ZNF804B: variants seen among roughly 807,000 people sequenced by gnomAD.
The protein encoded by ZNF804B is zinc finger 804B.
In ZNF804B, 80 loss-of-function variants were observed where a neutral mutation model predicts 101.4. That is an observed-to-expected ratio of 0.79 (90% CI 0.66 to 0.95). The LOEUF (loss-of-function observed/expected upper bound fraction) is 0.95, where lower values mean the gene tolerates loss of function less well. Among genes scored for constraint, ZNF804B ranks in the 40% least tolerant of loss-of-function variants. The pLI, the probability that ZNF804B is intolerant of heterozygous loss-of-function variation, is 0.00. For synonymous variants in ZNF804B, 622 were observed against 558.8 expected, an observed-to-expected ratio of 1.11 and a Z score of -1.59; for missense variants, 1,673 against 1,561.9, an observed-to-expected ratio of 1.07 and a Z score of -1.20.
chr7:89,307,610 G>A (rs1790584905), intron 2 of ZNF804B, among the ~76,000 whole-genome samples: 3 of 151,868 alleles, frequency 2.0e-5, no homozygotes, highest in African/African-American at 7.2e-5. Flanking sequence ...AAAAGAAACA[G>A]TATATAAAAT....
chr7:88,966,872 C>T (rs1793462251), intron 1 of ZNF804B, among the ~76,000 whole-genome samples: 1 of 151,448 alleles, frequency 6.6e-6, no homozygotes, highest in Non-Finnish European at 1.5e-5. Context: ...TAAGTCTGGG[C>T]CTCCCTTTGC....
intron 1 of ZNF804B, among the ~76,000 whole-genome samples, chr7:89,097,831 C>T (rs1789991363): frequency 6.6e-6 from 1 of 152,138 alleles, no homozygotes; most frequent in African/African-American, 2.4e-5. Flanking sequence ...AATGAATCTT[C>T]TTTCTGCAAA....
intron 1 of ZNF804B, among the ~76,000 whole-genome samples, chr7:89,065,422 G>T (rs561882043): frequency 6.6e-6 from 1 of 152,086 alleles, no homozygotes; most frequent in Admixed American, 6.5e-5. Flanking sequence ...TGGATGCATC[G>T]TATGTATTTT....
At chr7:88,947,145 C>T (rs1203764598) in intron 1 of ZNF804B, among the ~76,000 whole-genome samples, 2 of 151,946 alleles carry the variant, frequency 1.3e-5, no homozygotes, top group Non-Finnish European at 2.9e-5. Flanking sequence ...TACCATTTGA[C>T]CCAGCAATCC....
intron 1 of ZNF804B, among the ~76,000 whole-genome samples, chr7:88,836,461 G>A (rs1791216414): frequency 6.6e-6 from 1 of 151,836 alleles, no homozygotes; most frequent in Admixed American, 6.6e-5. Context: ...TCACTTGGTA[G>A]TCAAGCAAGA....
chr7:89,248,493 A>C (rs1789486179), intron 2 of ZNF804B, among the ~76,000 whole-genome samples: 1 of 151,902 alleles, frequency 6.6e-6, no homozygotes, highest in South Asian at 2.1e-4. Context: ...GAAAGAAAGA[A>C]GGAATTAATG....
intron 2 of ZNF804B, among the ~76,000 whole-genome samples, chr7:89,239,237 A>C (rs1789328698): frequency 6.6e-6 from 1 of 152,062 alleles, no homozygotes; most frequent in Non-Finnish European, 1.5e-5. Context: ...GCCCAAACTG[A>C]ATGGGACAGG....
chr7:88,922,240 T>G (rs1301350025), intron 1 of ZNF804B, among the ~76,000 whole-genome samples: 4 of 152,084 alleles, frequency 2.6e-5, no homozygotes, highest in Non-Finnish European at 4.4e-5. Context: ...CTATTAGCTT[T>G]TACTACTGGA....
At chr7:89,302,202 T>A (rs1330409196) in intron 2 of ZNF804B, among the ~76,000 whole-genome samples, 1 of 151,694 alleles carries the variant, frequency 6.6e-6, no homozygotes, top group Non-Finnish European at 1.5e-5. Flanking sequence ...TATATGATAA[T>A]TTTTTTTGTC....
At chr7:89,130,958 G>A (rs1456899785) in intron 1 of ZNF804B, among the ~76,000 whole-genome samples, 1 of 151,926 alleles carries the variant, frequency 6.6e-6, no homozygotes, top group African/African-American at 2.4e-5. Context: ...TATTAGTTTT[G>A]TGTAAAACTG....
intron 1 of ZNF804B, among the ~76,000 whole-genome samples, chr7:89,151,801 TG>T (rs1314720104): frequency 2.0e-5 from 3 of 151,944 alleles, no homozygotes; most frequent in African/African-American, 7.2e-5. Context: ...GGTATGATGT[TG>T]GGGGAAGAGG....
At chr7:88,857,860 T>G (rs1264782562) in intron 1 of ZNF804B, among the ~76,000 whole-genome samples, 1 of 129,046 alleles carries the variant, frequency 7.7e-6, no homozygotes, top group African/African-American at 3.0e-5. Flanking sequence ...TTGTCACTGC[T>G]GCCCAGACTG....
chr7:88,835,776 G>A (rs1313798384), intron 1 of ZNF804B, among the ~76,000 whole-genome samples: 1 of 151,738 alleles, frequency 6.6e-6, no homozygotes, highest in Non-Finnish European at 1.5e-5. Flanking sequence ...GTTTAAGATT[G>A]TTTCATGTAT....
At chr7:89,259,348 A>T (rs1191996194) in intron 2 of ZNF804B, among the ~76,000 whole-genome samples, 5 of 152,308 alleles carry the variant, frequency 3.3e-5, no homozygotes, top group African/African-American at 9.6e-5. Context: ...CCACATCCAC[A>T]ATCTCTTTTA....
intron 1 of ZNF804B, among the ~76,000 whole-genome samples, chr7:89,008,362 A>G (rs776592610): frequency 1.3e-5 from 2 of 152,176 alleles, no homozygotes; most frequent in Non-Finnish European, 2.9e-5. Context: ...GACTATCCTC[A>G]GTATGCTCGC....
chr7:89,244,181 A>C (rs1226975318), intron 2 of ZNF804B, among the ~76,000 whole-genome samples: 6 of 152,078 alleles, frequency 3.9e-5, no homozygotes, highest in Non-Finnish European at 8.8e-5. Context: ...TGTTTTCAAC[A>C]TTGTAAAATT....
intron 1 of ZNF804B, among the ~76,000 whole-genome samples, chr7:88,787,115 T>A (rs1790314107): frequency 1.3e-5 from 2 of 151,928 alleles, no homozygotes; most frequent in Non-Finnish European, 2.9e-5. Context: ...GCAAAGAGCA[T>A]GGAAAAATTA....
chr7:89,008,855 C>G (rs1788410900), intron 1 of ZNF804B, among the ~76,000 whole-genome samples: 1 of 152,104 alleles, frequency 6.6e-6, no homozygotes, highest in South Asian at 2.1e-4. Flanking sequence ...ATGTTTAGCC[C>G]CTCTGTCTTA....
chr7:89,248,464 T>C (rs1789484927), intron 2 of ZNF804B, among the ~76,000 whole-genome samples: 1 of 33,438 alleles, frequency 3.0e-5, no homozygotes, highest in Non-Finnish European at 6.6e-5. Context: ...TCAGCATTCT[T>C]TGAAAAAAAA....
Sources: allele counts gnomAD v4.1 joint callset (sites outside exome capture counted in the v4.1 genomes callset), GRCh38; gene constraint gnomAD v4.1.1; transcripts MANE v1.5; gene names NCBI Gene and HGNC (gene_info 2026-07-23, HGNC 2026-07-21).